Variants in MIGA1 observed in about 807,000 individuals in gnomAD.
The protein encoded by MIGA1 is mitoguardin 1, also known as family with sequence similarity 73, member A.
A neutral mutation model predicts 82.0 loss-of-function variants in MIGA1; 58 were observed. That is an observed-to-expected ratio of 0.71 (90% CI 0.57 to 0.88). MIGA1 has a LOEUF of 0.88. Ranked by LOEUF, MIGA1 falls within the 40% of genes least tolerant of loss-of-function variation. The pLI, the probability that MIGA1 is intolerant of heterozygous loss-of-function variation, is 0.00. For synonymous variants in MIGA1, 249 were observed against 253.6 expected (o/e 0.98, Z 0.17); for missense variants, 751 against 749.1 (o/e 1.00, Z -0.03).
intron 2 of MIGA1, among the ~76,000 whole-genome samples, chr1:77,799,319 T>C (rs1682781860): frequency 6.6e-6 from 1 of 152,222 alleles, no homozygotes; most frequent in Non-Finnish European, 1.5e-5. Flanking sequence ...AAAAAGGCTT[T>C]GTGTTACATG....
chr1:77,856,851 A>AT (rs897125713), intron 8 of MIGA1, among the ~76,000 whole-genome samples: 12 of 149,364 alleles, frequency 8.0e-5, no homozygotes, highest in South Asian at 2.1e-4. Context: ...CCTCTTTTGT[A>AT]TTTTTTTTTG....
chr1:77,853,663 G>GACAAAAACAA (rs763466632), intron 8 of MIGA1: 2 of 221,226 alleles, frequency 9.0e-6, no homozygotes, highest in African/African-American at 2.4e-5. Context: ...TGGCTGACCT[G>GACAAAAACAA]ACAAAAACAA....
At chr1:77,869,746 C>T (rs867796683) in intron 14 of MIGA1, among the ~76,000 whole-genome samples, 31 of 114,050 alleles carry the variant, frequency 2.7e-4, no homozygotes, top group African/African-American at 9.8e-4. Context: ...CGACCCCCCC[C>T]CCGCCTGCCT....
intron 8 of MIGA1, chr1:77,848,438 T>G (rs565412455): frequency 7.5e-6 from 7 of 927,528 alleles, no homozygotes; most frequent in Non-Finnish European, 1.0e-5. Flanking sequence ...AATACAGAGA[T>G]AGAGAAAAAC....
intron 5 of MIGA1, among the ~76,000 whole-genome samples, chr1:77,807,424 A>G (rs1431654997): frequency 1.3e-5 from 2 of 152,184 alleles, no homozygotes; most frequent in Non-Finnish European, 2.9e-5. Flanking sequence ...TCAGCCTCCC[A>G]AAGTACTGGG....
chr1:77,865,357 G>A (rs548580675), intron 13 of MIGA1, among the ~76,000 whole-genome samples: 4 of 152,078 alleles, frequency 2.6e-5, no homozygotes, highest in Admixed American at 6.6e-5. Flanking sequence ...TTGGAAGGCC[G>A]AAGCAGGCCG....
intron 1 of MIGA1, chr1:77,780,055 G>A (rs1195221211): frequency 1.8e-6 from 2 of 1,105,428 alleles, no homozygotes; most frequent in African/African-American, 1.7e-5. Context: ...GCTCGCCACT[G>A]CTCTGAGCCA....
chr1:77,834,619 C>A (rs1360150410), intron 7 of MIGA1, among the ~76,000 whole-genome samples: 2 of 152,094 alleles, frequency 1.3e-5, no homozygotes, highest in African/African-American at 2.4e-5. Context: ...TTTTTATATT[C>A]AACTTTGTTC....
intron 8 of MIGA1, chr1:77,847,611 G>T: frequency 6.5e-7 from 1 of 1,542,690 alleles, no homozygotes; most frequent in Admixed American, 1.8e-5. Flanking sequence ...AGCTGAAGAA[G>T]AAAGAAAAAA....
chr1:77,831,599 G>T (rs182148639), intron 7 of MIGA1, among the ~76,000 whole-genome samples: 1 of 152,242 alleles, frequency 6.6e-6, no homozygotes, highest in East Asian at 1.9e-4. Flanking sequence ...CAAAATGTGG[G>T]ATCCTACCAA....
intron 5 of MIGA1, chr1:77,811,597 G>T (rs575610070): frequency 6.2e-7 from 1 of 1,612,174 alleles, no homozygotes; most frequent in South Asian, 1.1e-5. Context: ...TTTGCCTATG[G>T]TTTTCTTTTG....
At chr1:77,857,333 T>C (rs568313330) in intron 8 of MIGA1, among the ~76,000 whole-genome samples, 49 of 152,124 alleles carry the variant, frequency 3.2e-4, no homozygotes, top group African/African-American at 1.2e-3. Context: ...TTTTTTTTTT[T>C]TTGTTTTTGC....
chr1:77,816,702 A>G (rs2101809095), intron 7 of MIGA1, among the ~76,000 whole-genome samples: 1 of 152,354 alleles, frequency 6.6e-6, no homozygotes, highest in African/African-American at 2.4e-5. Context: ...CAGTCTAGAA[A>G]AAAAGTAGGC....
chr1:77,832,786 G>A (rs1056076462), intron 7 of MIGA1, among the ~76,000 whole-genome samples: 3 of 152,204 alleles, frequency 2.0e-5, no homozygotes, highest in African/African-American at 7.2e-5. Flanking sequence ...AAAGGGAGCC[G>A]TTGAGGATTA....
At position 77,877,110 on chromosome 1, in the gene MIGA1, A is replaced by G. The variant is rs1210857284; in HGVS notation, c.*2046A>G. 6.6e-6 allele frequency: 1 copy of G among 152,154 alleles called. No individual in the cohort carries two copies. The highest frequency in any genetic ancestry group is 2.4e-5 in the African/African-American group (1 of 41,428). The allele number at this position is 152,154 out of a possible 1,614,324, so 9.4% of individuals were successfully genotyped here. On this transcript the variant is annotated 3_prime_UTR_variant, in exon 16 of 16. Coordinates refer to ENST00000370791, the MANE Select transcript of MIGA1 (RefSeq NM_198549.4). ...ACTGCAGTCTCCAACTCCTCATACC[A>G]GAGGCATGTGTCACCATGTCTTACT...
chr1:77,807,561 T>C (rs1173435673), intron 5 of MIGA1, among the ~76,000 whole-genome samples: 1 of 152,140 alleles, frequency 6.6e-6, no homozygotes, highest in Non-Finnish European at 1.5e-5. Flanking sequence ...ACGTCATACA[T>C]TGTGTTAGTT....
intron 15 of MIGA1, among the ~76,000 whole-genome samples, chr1:77,874,029 C>T (rs544528958): frequency 5.3e-5 from 8 of 152,074 alleles, no homozygotes; most frequent in African/African-American, 1.7e-4. Flanking sequence ...ACAGGTTGAT[C>T]GCTAATGACC....
In MIGA1 at chr1:77,843,415, A is replaced by G. The variant is rs921011361; in HGVS notation, c.996+8A>G. 3.1e-6 allele frequency: 5 copies of G among 1,605,314 alleles called. No individual in the cohort carries two copies. The highest frequency in any genetic ancestry group is 1.1e-5 in the South Asian group (1 of 90,824). Reference sequence around the variant, plus strand: ...TTTGCTTCCGCAGCAGAGGTAGGACATATGTGTTCCTAATGAGGATTTCTG... The same window carrying G: ...TTTGCTTCCGCAGCAGAGGTAGGACGTATGTGTTCCTAATGAGGATTTCTG... On this transcript the variant is annotated splice_region_variant and intron_variant, in intron 8 of 15. Transcript: ENST00000370791.
rs1646908525 is a variant in MIGA1, at chr1:77,878,201, C to CT, written c.*3138dup. The CT allele has an allele frequency of 1.3e-5, 2 of 152,026 alleles. No individual in the cohort carries two copies. The highest frequency in any genetic ancestry group is 1.3e-4 in the Admixed American group (2 of 15,248). 9.4% of individuals were successfully genotyped at this position (152,026 alleles called of 1,614,324 possible). ...CTGAGGTCAGGAGTTTGAGACCAGCCTGACCAACATGGTGAAACCCCATCT... is the reference window on the plus strand; with the variant it reads ...CTGAGGTCAGGAGTTTGAGACCAGCCTTGACCAACATGGTGAAACCCCATCT... On this transcript the variant is annotated 3_prime_UTR_variant, in exon 16 of 16. Transcript: ENST00000370791.
Sources: gnomAD v4.1 joint callset for allele counts (sites outside exome capture counted in the v4.1 genomes callset) on GRCh38, gnomAD v4.1.1 for gene constraint, MANE v1.5 for transcripts, NCBI Gene and HGNC (gene_info 2026-07-23, HGNC 2026-07-21) for gene names.